Variants in DDX31 observed in about 807,000 individuals in gnomAD.
The protein encoded by DDX31 is DEAD-box helicase 31.
Under a neutral mutation model 91.3 loss-of-function variants are expected in DDX31, and 70 were observed. The observed-to-expected ratio is 0.77, with a 90% CI of 0.63 to 0.94. The LOEUF is 0.94. Ranked by LOEUF, DDX31 falls within the 40% of genes least tolerant of loss-of-function variation. DDX31 has a pLI of 0.00. For missense variants in DDX31, 902 were observed against 925.0 expected (o/e 0.98, Z 0.32); for synonymous variants, 362 against 350.6 (o/e 1.03, Z -0.36).
intron 14 of DDX31, among the ~76,000 whole-genome samples, chr9:132,638,970 G>A (rs1280017587): frequency 6.6e-6 from 1 of 152,146 alleles, no homozygotes; most frequent in Non-Finnish European, 1.5e-5. Flanking sequence ...CCCATGTAAC[G>A]ATTAACAGCA....
Position 132,630,310 on chromosome 9 carries a change from G to A in DDX31, c.1585C>T (p.Pro529Ser), listed in dbSNP as rs752972843. ...GAGTTGACATATTCTGCCTCCGAAG[G>A]AGCCAAAATGAGCAGGCTGCTCCCA... ...CHGSSLLILA[P>S]SEAEYVNSLA... The change falls in exon 16 of 20, where the codon CCT becomes TCT. Residue 529 changes from proline (P) to serine (S), a missense_variant. Physicochemically the swap from Pro to Ser is moderately conservative, Grantham distance 74. Coordinates refer to ENST00000372159, the MANE Select transcript of DDX31 (RefSeq NM_022779.9). 2 of 1,596,660 alleles carry A rather than the reference G, an allele frequency of 1.3e-6. No homozygotes were observed. Among genetic ancestry groups the A allele is most frequent in the South Asian group, 2.2e-5 (2 of 90,020 alleles).
At position 132,597,472 on chromosome 9, in the gene DDX31, A is replaced by G. The variant is rs141235717; in HGVS notation, c.1995-2360T>C. On this transcript the variant is annotated intron_variant, in intron 19 of 19. Coordinates refer to ENST00000372159, the MANE Select transcript of DDX31 (RefSeq NM_022779.9). ...TGAAGCCAGGTTCACAATGTGTATA[A>G]TTTTAAATGTAACAACCTAAGTTTC... Among the ~76,000 whole-genome samples, 725 of 152,312 alleles carry G rather than the reference A, an allele frequency of 4.8e-3. 2 individuals are homozygous for G. Among genetic ancestry groups the G allele is most frequent in the Non-Finnish European group, 6.4e-3 (438 of 68,020 alleles).
chr9:132,609,872 G>A (rs112481484), intron 19 of DDX31, among the ~76,000 whole-genome samples: 27,471 of 151,896 alleles, frequency 0.18, 3,198 homozygotes, highest in East Asian at 0.42. Flanking sequence ...CACCCGCCTC[G>A]GCCTCCCAAA....
chr9:132,598,837 A>C (rs969640367), intron 19 of DDX31, among the ~76,000 whole-genome samples: 2 of 152,182 alleles, frequency 1.3e-5, no homozygotes, highest in African/African-American at 2.4e-5. Flanking sequence ...ATTAAAGTAT[A>C]TTTTCATCTA....
At chr9:132,626,225 G>A (rs1023847433) in intron 16 of DDX31, among the ~76,000 whole-genome samples, 5 of 151,908 alleles carry the variant, frequency 3.3e-5, no homozygotes, top group African/African-American at 1.2e-4. Flanking sequence ...AGGGCACAAA[G>A]CCCTGTCCCA....
intron 3 of DDX31, 39 bp downstream of exon 3, chr9:132,662,222 C>A: frequency 6.3e-7 from 1 of 1,599,158 alleles, no homozygotes; most frequent in South Asian, 1.1e-5. Context: ...ACAAACACAC[C>A]AAAAAAAACT....
chr9:132,648,652 A>G (rs1564325459), intron 9 of DDX31, 101 bp from the exon 10 acceptor site: 2 of 1,378,478 alleles, frequency 1.5e-6, no homozygotes. Flanking sequence ...TTTCATGTAC[A>G]GTGCAAACGT....
In DDX31 at chr9:132,594,952, G is replaced by A. The variant is rs1370817036; in HGVS notation, c.2155C>T (p.Pro719Ser). The change falls in exon 20 of 20, where the codon CCC becomes TCC. Residue 719 changes from proline (P) to serine (S), a missense_variant. Coordinates refer to ENST00000372159, the MANE Select transcript of DDX31 (RefSeq NM_022779.9). Reference protein sequence around the residue: ...RPLQHSLQPTPCFGRGKTLKW... With the variant: ...RPLQHSLQPTSCFGRGKTLKW... ...AATGTTTTCCCACGGCCAAAGCAGG[G>A]TGTCGGCTGCAGACTGTGCTGCAGG... The A allele has an allele frequency of 6.2e-7, 1 of 1,614,170 alleles. No homozygotes were observed. Among genetic ancestry groups the A allele is most frequent in the Non-Finnish European group, 8.5e-7 (1 of 1,180,042 alleles).
chr9:132,604,242 CT>C (rs1229635794), intron 19 of DDX31, among the ~76,000 whole-genome samples: 5 of 152,194 alleles, frequency 3.3e-5, no homozygotes, highest in Non-Finnish European at 4.4e-5. Context: ...GTCCCTGAGA[CT>C]ACAGGCCAGT....
chr9:132,630,279 G>A lies in DDX31; in HGVS notation c.1616C>T (p.Ala539Val). 1 of 1,578,890 alleles carries A rather than the reference G, an allele frequency of 6.3e-7. No homozygotes were observed. The highest frequency in any genetic ancestry group is 8.7e-7 in the Non-Finnish European group (1 of 1,152,228). ...TCTGACTCACTTGATTTTGTGAGAA[G>A]CCAACGAGTTGACATATTCTGCCTC... ...PSEAEYVNSL[A>V]SHKINVSEIK... Residue 539 changes from alanine to valine, a missense_variant, in exon 16 of 20, where the codon GCT becomes GTT. Coordinates refer to ENST00000372159, the MANE Select transcript of DDX31 (RefSeq NM_022779.9).
intron 14 of DDX31, among the ~76,000 whole-genome samples, chr9:132,636,273 T>A (rs894300996): frequency 6.6e-6 from 1 of 152,214 alleles, no homozygotes; most frequent in African/African-American, 2.4e-5. Context: ...CAATTTAGGA[T>A]GTTCTCTATC....
intron 18 of DDX31, among the ~76,000 whole-genome samples, chr9:132,616,864 C>T (rs1344940879): frequency 1.3e-5 from 2 of 152,170 alleles, no homozygotes; most frequent in Non-Finnish European, 2.9e-5. Context: ...TTAACGACAA[C>T]CAAGAATTGC....
intron 1 of DDX31, among the ~76,000 whole-genome samples, chr9:132,666,522 T>C (rs1835317011): frequency 6.6e-6 from 1 of 151,968 alleles, no homozygotes; most frequent in African/African-American, 2.4e-5. Context: ...TCAGAAATTT[T>C]TTTTTGTTTT....
intron 15 of DDX31, 36 bp downstream of exon 15, chr9:132,632,005 T>C (rs770298192): frequency 2.5e-6 from 4 of 1,587,666 alleles, no homozygotes; most frequent in East Asian, 2.3e-5. Context: ...CATATATTCC[T>C]GCCTAAAGCT....
chr9:132,625,592 C>T, intron 17 of DDX31, 72 bp downstream of exon 17: 1 of 1,187,756 alleles, frequency 8.4e-7, no homozygotes, highest in East Asian at 2.4e-5. Flanking sequence ...AACCCATACA[C>T]AAAGTCTCTA....
intron 19 of DDX31, among the ~76,000 whole-genome samples, chr9:132,606,926 GAAC>G (rs757913121): frequency 3.3e-5 from 5 of 152,176 alleles, no homozygotes; most frequent in Non-Finnish European, 5.9e-5. Context: ...GAGAACCAGA[GAAC>G]AACACAGCAC....
chr9:132,626,158 A>G (rs1832378743), intron 16 of DDX31, among the ~76,000 whole-genome samples: 1 of 150,762 alleles, frequency 6.6e-6, no homozygotes, highest in Non-Finnish European at 1.5e-5. Context: ...AAAAAAAGGA[A>G]GAAAAGGGTG....
chr9:132,646,263 G>C (rs974242675), intron 12 of DDX31, among the ~76,000 whole-genome samples, 192 bp from the exon 13 acceptor site: 1 of 152,080 alleles, frequency 6.6e-6, no homozygotes, highest in African/African-American at 2.4e-5. Context: ...AGAGGAAAAC[G>C]ACACAGCTAT....
At position 132,611,560 on chromosome 9, in the gene DDX31, TGCTCTTTTTGGGAGGAAAGG is replaced by T. The variant is rs977569234; in HGVS notation, c.1994+507_1994+526del. Among the ~76,000 whole-genome samples, 196 of 152,052 alleles carry T rather than the reference TGCTCTTTTTGGGAGGAAAGG, an allele frequency of 1.3e-3. 1 individual carries two copies. Among genetic ancestry groups the T allele is most frequent in the African/African-American group, 3.2e-3 (131 of 41,404 alleles). ...AGGACCTCTGGACAAGTCCTGAACA[TGCTCTTTTTGGGAGGAAAGG>T]GCTCTTTTTGGGAGGAAAGGGGAAG... On this transcript the variant is annotated intron_variant, in intron 19 of 19. Transcript: ENST00000372159.
Sources: gnomAD v4.1 joint callset for allele counts (sites outside exome capture counted in the v4.1 genomes callset) on GRCh38, gnomAD v4.1.1 for gene constraint, MANE v1.5 for transcripts, NCBI Gene and HGNC (gene_info 2026-07-23, HGNC 2026-07-21) for gene names.